The following BTN2A1 variants were observed in gnomAD, a reference collection of about 807,000 sequenced individuals.
BTN2A1 encodes butyrophilin subfamily 2 member A1, also known as butyrophilin, subfamily 2, member A1.
BTN2A1 carries 41 observed loss-of-function variants against 34.5 expected under a neutral mutation model. The ratio of observed to expected loss-of-function variants is 1.19; its 90% CI spans 0.93 to 1.54. The LOEUF (loss-of-function observed/expected upper bound fraction) is 1.54. Among genes scored for constraint, BTN2A1 ranks in the 40% most tolerant of loss-of-function variants. The pLI, the probability that BTN2A1 is intolerant of heterozygous loss-of-function variation, is 0.00. For missense variants in BTN2A1, 642 were observed against 662.0 expected (o/e 0.97, Z 0.33); for synonymous variants, 267 against 258.6 (o/e 1.03, Z -0.31).
Position 26,467,971 on chromosome 6 carries a change from A to T in BTN2A1, c.1006A>T (p.Thr336Ser). 6.2e-7 allele frequency: 1 copy of T among 1,613,652 alleles called. No individual in the cohort carries two copies. Among genetic ancestry groups the T allele is most frequent in the African/African-American group, 1.3e-5 (1 of 75,022 alleles). The change falls in exon 8 of 8, where the codon ACC becomes TCC. Residue 336 changes from threonine (T) to serine (S), a missense_variant. Transcript: ENST00000312541. Reference sequence around the variant, plus strand: ...AGTTGATGTGGTCCTGGATCCAGACACCGCTCATCCCGATCTCTTCCTGTC... The same window carrying T: ...AGTTGATGTGGTCCTGGATCCAGACTCCGCTCATCCCGATCTCTTCCTGTC... ...HAVDVVLDPD[T>S]AHPDLFLSED...
chr6:26,469,885 A>G (rs758910121), downstream of BTN2A1, among the ~76,000 whole-genome samples: 1 of 151,268 alleles, frequency 6.6e-6, no homozygotes, highest in African/African-American at 2.5e-5. Context: ...TCTACCAAAA[A>G]CAAACAAAAA....
chr6:26,467,774 T>G (rs1763355185), intron 7 of BTN2A1, 174 bp from the exon 8 acceptor site: 2 of 1,571,096 alleles, frequency 1.3e-6, no homozygotes, highest in African/African-American at 2.7e-5. Context: ...GAGACAGAAG[T>G]GCAGCTTCAG....
At chr6:26,474,204 A>G (rs1369796379), downstream of BTN2A1, among the ~76,000 whole-genome samples, 3 of 152,208 alleles carry the variant, frequency 2.0e-5, no homozygotes, top group Non-Finnish European at 2.9e-5. Context: ...CTTTTGTAAC[A>G]AATAGCTGAG....
intron 4 of BTN2A1, among the ~76,000 whole-genome samples, chr6:26,464,875 C>T (rs949832722): frequency 1.3e-5 from 2 of 152,068 alleles, no homozygotes; most frequent in African/African-American, 2.4e-5. Context: ...AGGAGGGCAC[C>T]GCAGTATTCC....
chr6:26,465,195 G>T lies in BTN2A1; in HGVS notation c.723G>T (p.Met241Ile). ...ESVIFIPESF[M>I]PSVSPCAVAL... ...TGGCTGCCTTTTCAGAATCCTTTAT[G>T]CCCAGTGTGTCTCCCTGTGCAGTGG... is the stretch of plus-strand genomic sequence containing the variant. The change falls in exon 5 of 8, where the codon ATG becomes ATT. Residue 241 changes from methionine to isoleucine, a missense_variant. Physicochemically the swap from Met to Ile is conservative, Grantham distance 10. Transcript: ENST00000312541. The T allele has an allele frequency of 6.2e-7, 1 of 1,613,954 alleles. No homozygotes were observed. The highest frequency in any genetic ancestry group is 1.7e-5 in the Admixed American group (1 of 60,012).
At chr6:26,470,298 G>T (rs913588907), downstream of BTN2A1, among the ~76,000 whole-genome samples, 10 of 152,152 alleles carry the variant, frequency 6.6e-5, no homozygotes, top group Non-Finnish European at 1.0e-4. Flanking sequence ...AGTGAGCCAA[G>T]ATCGTGCTGC....
chr6:26,474,757 CTTT>C (rs11445433), intron 7 of BTN2A1, among the ~76,000 whole-genome samples: 1 of 142,432 alleles, frequency 7.0e-6, no homozygotes, highest in Non-Finnish European at 1.5e-5. Context: ...GCAAAGACTC[CTTT>C]TTTTTTTTTT....
chr6:26,468,546 A>G lies in BTN2A1; in HGVS notation c.1581A>G (p.Leu527=), dbSNP rs980087110. 3.1e-6 allele frequency: 5 copies of G among 1,614,164 alleles called. No individual in the cohort carries two copies. Among genetic ancestry groups the G allele is most frequent in the Middle Eastern group, 1.6e-4 (1 of 6,062 alleles). The part of the protein sequence containing the change: ...TLHRVGTHQS[L] ...ACAGAGTGGGGACCCACCAGAGCCTATAGAATCAATTCCTTGGTCTCACAG... is the reference window on the plus strand; with the variant it reads ...ACAGAGTGGGGACCCACCAGAGCCTGTAGAATCAATTCCTTGGTCTCACAG... Residue 527 remains leucine, a synonymous_variant, in exon 8 of 8, where the codon CTA becomes CTG. Transcript: ENST00000312541.
Position 26,468,237 on chromosome 6 carries a change from G to A in BTN2A1, c.1272G>A (p.Leu424=). ...TTCCTCAGAATGGCTTCTGGACCTT[G>A]GAGATGCATAAAGGGCAATACCGGG... The part of the protein sequence containing the change: ...LLIPQNGFWT[L]EMHKGQYRAV... The change falls in exon 8 of 8, where the codon TTG becomes TTA. Residue 424 remains leucine (L), a synonymous_variant. Coordinates refer to ENST00000312541, the MANE Select transcript of BTN2A1 (RefSeq NM_007049.5). 5 of 1,614,206 alleles carry A rather than the reference G, an allele frequency of 3.1e-6. No homozygotes were observed. Among genetic ancestry groups the A allele is most frequent in the Non-Finnish European group, 4.2e-6 (5 of 1,180,038 alleles).
rs1039646035 is a variant in BTN2A1 at position 26,465,964 on chromosome 6, G to A, written c.946G>A (p.Glu316Lys). 2.5e-6 allele frequency: 4 copies of A among 1,614,212 alleles called. No individual in the cohort carries two copies. The highest frequency in any genetic ancestry group is 3.4e-6 in the Non-Finnish European group (4 of 1,180,022). ...TGTTTGTTTTTCAGAGAAACTTCAAGAAGAATTGCGTAAGTTTAGCCTTTC... is the reference window on the plus strand; with the variant it reads ...TGTTTGTTTTTCAGAGAAACTTCAAAAAGAATTGCGTAAGTTTAGCCTTTC... ...EELQVKEKLQ[E>K]ELRWRRTFLH... is the part of the protein sequence containing the mutation. The change falls in exon 6 of 8, where the codon GAA becomes AAA. Residue 316 changes from glutamate to lysine, a missense_variant. Transcript: ENST00000312541.
downstream of BTN2A1, among the ~76,000 whole-genome samples, chr6:26,473,829 A>G (rs1763490714): frequency 1.3e-5 from 2 of 152,310 alleles, no homozygotes; most frequent in East Asian, 1.9e-4. Context: ...TTTGAGAGGT[A>G]GGGCTGAAAC....
At position 26,466,174 on chromosome 6, in the gene BTN2A1, C is replaced by T. The variant is rs940100822; in HGVS notation, c.982+86C>T. ...CTCCTTAGAGGAGATGAGCAAGGGG[C>T]CCAGGGCAAGGTGGGGACAGCAGGG... On this transcript the variant is annotated intron_variant, in intron 7 of 7. Transcript: ENST00000312541. 1.1e-5 allele frequency: 17 copies of T among 1,603,638 alleles called. No homozygotes were observed. The African/African-American group carries it at 1.7e-4, about 16-fold the overall frequency.
intron 7 of BTN2A1, 94 bp from the exon 8 acceptor site, chr6:26,467,854 T>C: frequency 6.4e-7 from 1 of 1,563,856 alleles, no homozygotes. Flanking sequence ...TGGGGATCCC[T>C]TCAGAGATAT....
chr6:26,473,336 T>C (rs934658482), downstream of BTN2A1, among the ~76,000 whole-genome samples: 3 of 152,064 alleles, frequency 2.0e-5, no homozygotes, highest in Non-Finnish European at 2.9e-5. Context: ...CACATGAAAA[T>C]ACAGTATGGC....
intron 3 of BTN2A1, among the ~76,000 whole-genome samples, chr6:26,462,202 T>G (rs1246059663): frequency 6.6e-6 from 1 of 152,190 alleles, no homozygotes; most frequent in Non-Finnish European, 1.5e-5. Context: ...CTTTCATACC[T>G]GGTGTTCACT....
In BTN2A1 at chr6:26,458,128, G is replaced by A. The variant is rs1285015507; in HGVS notation, c.-45G>A. On this transcript the variant is annotated 5_prime_UTR_variant, in exon 1 of 8. Coordinates refer to ENST00000312541, the MANE Select transcript of BTN2A1 (RefSeq NM_007049.5). Reference sequence around the variant, plus strand: ...ACCAGCGGAGAAAAGAAAAAGCAACGTTTAATTCTAGAAGGTAGGAAACGG... The same window carrying A: ...ACCAGCGGAGAAAAGAAAAAGCAACATTTAATTCTAGAAGGTAGGAAACGG... The A allele has an allele frequency of 2.5e-5, 4 of 156,998 alleles. No homozygotes were observed. The East Asian group carries it at 7.6e-4, about 30-fold the overall frequency. 9.7% of individuals were successfully genotyped at this position (156,998 alleles called of 1,614,324 possible).
intron 5 of BTN2A1, chr6:26,465,698 T>C: frequency 1.8e-6 from 1 of 548,530 alleles, no homozygotes; most frequent in Non-Finnish European, 2.3e-6. Flanking sequence ...TTTCATTCTT[T>C]CACTCTGCCC....
chr6:26,460,463 G>T (rs1487169965), intron 3 of BTN2A1, among the ~76,000 whole-genome samples: 1 of 152,180 alleles, frequency 6.6e-6, no homozygotes, highest in South Asian at 2.1e-4. Context: ...TATAGTTCCT[G>T]CTAACTCCAT....
At chr6:26,472,877 G>A (rs1763475672), downstream of BTN2A1, among the ~76,000 whole-genome samples, 1 of 152,164 alleles carries the variant, frequency 6.6e-6, no homozygotes, top group Non-Finnish European at 1.5e-5. Context: ...GTGTGGCTGG[G>A]TCCAGGCCTG....
Sources: allele counts gnomAD v4.1 joint callset (sites outside exome capture counted in the v4.1 genomes callset), GRCh38; gene constraint gnomAD v4.1.1; transcripts MANE v1.5; gene names NCBI Gene and HGNC (gene_info 2026-07-23, HGNC 2026-07-21).